Variants in SOX6 observed in about 807,000 individuals in gnomAD.
The protein encoded by SOX6 is transcription factor SOX-6.
In SOX6, 11 loss-of-function variants were observed where a neutral mutation model predicts 97.8. The observed-to-expected ratio is 0.11, with a 90% CI of 0.07 to 0.19. The LOEUF (loss-of-function observed/expected upper bound fraction) is 0.19. Among genes scored for constraint, SOX6 ranks in the 10% least tolerant of loss-of-function variants. The pLI, the probability that SOX6 is intolerant of heterozygous loss-of-function variation, is 1.00. For synonymous variants in SOX6, 360 were observed against 371.4 expected (o/e 0.97, Z 0.35); for missense variants, 810 against 1,039.5 (o/e 0.78, Z 3.04).
intron 4 of SOX6, among the ~76,000 whole-genome samples, chr11:16,566,469 ATC>A (rs1400774908): frequency 1.3e-5 from 2 of 152,240 alleles, no homozygotes; most frequent in Non-Finnish European, 2.9e-5. Flanking sequence ...GCCAAGAGGT[ATC>A]TCTGGTAAAC....
rs1246145861 is a variant in SOX6, at chr11:16,716,131, G to A, written n.354-1226C>T. Among the ~76,000 whole-genome samples the A allele has an allele frequency of 2.6e-5, 4 of 152,318 alleles. No individual in the cohort carries two copies. In the East Asian group the frequency reaches 7.7e-4, roughly 29 times the overall value. On this transcript the variant is annotated intron_variant and non_coding_transcript_variant, in intron 2 of 5. Coordinates refer to the SOX6 transcript ENST00000524520. ...CACACCTGTAATCCCAGCTACTTGG[G>A]AGGCTGAGGCCCAAGAATTGCTTCA...
chr11:16,232,008 TGTA>T (rs1205048819), intron 4 of SOX6, among the ~76,000 whole-genome samples: 7 of 151,838 alleles, frequency 4.6e-5, no homozygotes, highest in Non-Finnish European at 1.0e-4. Context: ...TTTGTTTTTT[TGTA>T]TGTTTCTTAC....
chr11:16,518,861 G>A (rs571966207), intron 4 of SOX6, among the ~76,000 whole-genome samples: 23 of 151,964 alleles, frequency 1.5e-4, no homozygotes, highest in Admixed American at 7.9e-4. Flanking sequence ...TTGTTTCATG[G>A]CAAAACAAAT....
chr11:16,321,434 G>A (rs980329606), intron 2 of SOX6, among the ~76,000 whole-genome samples: 1 of 152,058 alleles, frequency 6.6e-6, no homozygotes, highest in Admixed American at 6.6e-5. Context: ...CTCCAGCCTA[G>A]TAACAACTTT....
At chr11:16,201,028 A>T (rs1851920530) in intron 4 of SOX6, among the ~76,000 whole-genome samples, 2 of 151,930 alleles carry the variant, frequency 1.3e-5, no homozygotes, top group South Asian at 4.2e-4. Context: ...GAGGCAGGAG[A>T]ATTGCTTGAA....
chr11:15,995,635 G>T (rs1159501291), intron 13 of SOX6, among the ~76,000 whole-genome samples: 1 of 152,164 alleles, frequency 6.6e-6, no homozygotes, highest in Non-Finnish European at 1.5e-5. Flanking sequence ...TAAGAGGTTT[G>T]AGACATTCAG....
intron 9 of SOX6, among the ~76,000 whole-genome samples, chr11:16,075,282 C>G (rs2133947402): frequency 6.6e-6 from 1 of 152,206 alleles, no homozygotes; most frequent in South Asian, 2.1e-4. Flanking sequence ...GCTTGGGAGA[C>G]CTCACAATCA....
chr11:16,181,613 G>A (rs1161620554), intron 6 of SOX6, among the ~76,000 whole-genome samples: 2 of 150,708 alleles, frequency 1.3e-5, no homozygotes, highest in African/African-American at 4.9e-5. Context: ...GTAAGTCTCA[G>A]AGATGAATAC....
At chr11:16,708,392 G>C (rs1190508993) in intron 3 of SOX6, among the ~76,000 whole-genome samples, 8 of 152,130 alleles carry the variant, frequency 5.3e-5, no homozygotes, top group Non-Finnish European at 1.0e-4. Context: ...GTGGCTTTAT[G>C]ATTCCCCACA....
At chr11:16,316,836 G>C (rs1175319061) in intron 3 of SOX6, 1 of 151,960 alleles carries the variant, frequency 6.6e-6, no homozygotes, top group Non-Finnish European at 1.5e-5. Flanking sequence ...CAAAAATGTG[G>C]ACAACAAAGC....
intron 9 of SOX6, among the ~76,000 whole-genome samples, chr11:16,069,118 TA>T (rs1449483266): frequency 1.3e-5 from 2 of 152,188 alleles, no homozygotes; most frequent in Admixed American, 1.3e-4. Context: ...TTCTTACAGT[TA>T]TAAGCATGTG....
intron 3 of SOX6, among the ~76,000 whole-genome samples, chr11:16,641,966 T>G (rs1848922988): frequency 6.6e-6 from 1 of 152,202 alleles, no homozygotes; most frequent in Non-Finnish European, 1.5e-5. Context: ...TAGCTGGTTA[T>G]TTTGCTCGTT....
intron 6 of SOX6, among the ~76,000 whole-genome samples, chr11:16,112,686 TTACTC>T (rs1244261440): frequency 2.0e-5 from 3 of 152,136 alleles, no homozygotes; most frequent in African/African-American, 7.2e-5. Flanking sequence ...AGAAAAATCT[TTACTC>T]TATATCAGTA....
chr11:16,513,588 G>T (rs1303488278), intron 4 of SOX6, among the ~76,000 whole-genome samples: 2 of 152,150 alleles, frequency 1.3e-5, no homozygotes, highest in Non-Finnish European at 2.9e-5. Flanking sequence ...AGCTGAGATG[G>T]TGCCACTGCA....
chr11:16,497,853 A>G (rs564686186), intron 4 of SOX6, among the ~76,000 whole-genome samples: 70 of 152,368 alleles, frequency 4.6e-4, no homozygotes, highest in Middle Eastern at 3.4e-3. Context: ...CGTGTACCTG[A>G]AAGTGACGGG....
At chr11:16,149,163 A>C (rs1850394190) in intron 6 of SOX6, among the ~76,000 whole-genome samples, 1 of 152,122 alleles carries the variant, frequency 6.6e-6, no homozygotes, top group Admixed American at 6.6e-5. Flanking sequence ...TTCAGCCCAA[A>C]CACATTTTTT....
intron 1 of SOX6, among the ~76,000 whole-genome samples, chr11:16,435,417 T>C (rs1166350135): frequency 6.6e-6 from 1 of 152,174 alleles, no homozygotes; most frequent in Non-Finnish European, 1.5e-5. Context: ...AGCCAAAGCA[T>C]AAAACTTGTA....
chr11:16,692,056 C>CGTGTGTGTGTGTGTGTGT (rs755479047), intron 3 of SOX6, among the ~76,000 whole-genome samples: 5 of 144,290 alleles, frequency 3.5e-5, no homozygotes, highest in Middle Eastern at 3.3e-3. Context: ...TTTGCGTGTG[C>CGTGTGTGTGTGTGTGTGT]GTGTGTGTGT....
intron 9 of SOX6, among the ~76,000 whole-genome samples, chr11:16,074,096 C>T (rs1057201128): frequency 2.0e-4 from 30 of 151,984 alleles, no homozygotes; most frequent in Non-Finnish European, 3.2e-4. Context: ...GAAATAACCA[C>T]AATCAGAGCT....
Sources: gnomAD v4.1 joint callset for allele counts (sites outside exome capture counted in the v4.1 genomes callset) on GRCh38, gnomAD v4.1.1 for gene constraint, MANE v1.5 for transcripts, NCBI Gene and HGNC (gene_info 2026-07-23, HGNC 2026-07-21) for gene names.